Variants in CNTN4 observed in about 807,000 individuals in gnomAD.
The protein encoded by CNTN4 is contactin-4.
In CNTN4, 77 loss-of-function variants were observed where a neutral mutation model predicts 122.5. The ratio of observed to expected loss-of-function variants is 0.63; its 90% CI spans 0.52 to 0.76. The LOEUF is 0.76. Among genes scored for constraint, CNTN4 ranks in the 30% least tolerant of loss-of-function variants. CNTN4 has a pLI of 0.00. For missense variants in CNTN4, 1,256 were observed against 1,259.1 expected (o/e 1.00, Z 0.04); for synonymous variants, 512 against 447.0 (o/e 1.15, Z -1.83).
chr3:2,721,029 G>T (rs2087820078), intron 4 of CNTN4, among the ~76,000 whole-genome samples: 1 of 152,108 alleles, frequency 6.6e-6, no homozygotes, highest in African/African-American at 2.4e-5. Context: ...CTGGAGTGCA[G>T]TGGCATGATC....
intron 2 of CNTN4, among the ~76,000 whole-genome samples, chr3:2,158,567 T>A (rs994792281): frequency 2.0e-5 from 3 of 152,220 alleles, no homozygotes; most frequent in South Asian, 2.1e-4. Flanking sequence ...GAACGTAGAC[T>A]AAATGGAGTG....
chr3:2,853,211 G>A (rs1474969764), intron 7 of CNTN4, among the ~76,000 whole-genome samples: 1 of 151,878 alleles, frequency 6.6e-6, no homozygotes, highest in East Asian at 1.9e-4. Flanking sequence ...GTCCACTAGG[G>A]AGTTTTTTAT....
chr3:2,220,456 C>T (rs1194261229), intron 2 of CNTN4, among the ~76,000 whole-genome samples: 2 of 152,078 alleles, frequency 1.3e-5, no homozygotes, highest in Admixed American at 1.3e-4. Context: ...GGTATTGATT[C>T]CATTGAATTT....
At chr3:2,844,110 C>G (rs1433444756) in intron 7 of CNTN4, among the ~76,000 whole-genome samples, 2 of 152,186 alleles carry the variant, frequency 1.3e-5, no homozygotes, top group African/African-American at 4.8e-5. Flanking sequence ...AGTGTTGCTC[C>G]CATGCCTTGA....
At chr3:2,372,389 T>TG (rs2045666079) in intron 3 of CNTN4, among the ~76,000 whole-genome samples, 1 of 152,230 alleles carries the variant, frequency 6.6e-6, no homozygotes. Flanking sequence ...AATATAAATA[T>TG]GTTTCTAATT....
chr3:2,834,288 G>A (rs2093167676), intron 7 of CNTN4, among the ~76,000 whole-genome samples: 1 of 152,178 alleles, frequency 6.6e-6, no homozygotes, highest in Admixed American at 6.5e-5. Context: ...GTTGTGGCCA[G>A]GCATAGTGGC....
At chr3:2,973,064 A>AT (rs902939140) in intron 13 of CNTN4, among the ~76,000 whole-genome samples, 7 of 152,068 alleles carry the variant, frequency 4.6e-5, no homozygotes, top group Non-Finnish European at 1.0e-4. Context: ...ATTGGAACCC[A>AT]TTACCTGTGC....
At position 3,037,398 on chromosome 3, in the gene CNTN4, C is replaced by T. The variant is rs1044536559; in HGVS notation, c.2092+70C>T. ...GTTCCTTAGGAAAAGCGTTTGAATT[C>T]TTGCTGCTCTTCAGCGCTCATGCGG... On this transcript the variant is annotated intron_variant, in intron 18 of 24. Coordinates refer to ENST00000418658, the MANE Select transcript of CNTN4 (RefSeq NM_175607.3). 3 of 1,596,044 alleles carry T rather than the reference C, an allele frequency of 1.9e-6. No homozygotes were observed. In the African/African-American group the frequency reaches 4.0e-5, roughly 21 times the overall value.
At chr3:2,258,433 T>C (rs2040689098) in intron 2 of CNTN4, among the ~76,000 whole-genome samples, 1 of 152,170 alleles carries the variant, frequency 6.6e-6, no homozygotes, top group South Asian at 2.1e-4. Flanking sequence ...TTTTTTTTTC[T>C]GTCTCAATAT....
chr3:2,866,829 A>G lies in CNTN4; in HGVS notation c.532A>G (p.Asn178Asp), dbSNP rs201525733. Reference sequence around the variant, plus strand: ...CCGCTTTGTTTCTCAAGAGACTGGGAATCTGTATATTGCCAAAGTAGAAAA... The same window carrying G: ...CCGCTTTGTTTCTCAAGAGACTGGGGATCTGTATATTGCCAAAGTAGAAAA... Reference protein sequence around the residue: ...NRRFVSQETGNLYIAKVEKSD... With the variant: ...NRRFVSQETGDLYIAKVEKSD... The change falls in exon 8 of 25, where the codon AAT (asparagine) becomes GAT (aspartate). Residue 178 changes from asparagine to aspartate, a missense_variant. By Grantham distance (23) the Asn-to-Asp change is conservative. Transcript: ENST00000418658. 1.9e-4 allele frequency: 299 copies of G among 1,614,014 alleles called. No homozygotes were observed. Among genetic ancestry groups the G allele is most frequent in the Non-Finnish European group, 2.4e-4 (289 of 1,179,896 alleles).
In CNTN4 at chr3:2,709,914, A is replaced by C. The variant is rs1235570148; in HGVS notation, c.56-26301A>C. Among the ~76,000 whole-genome samples the C allele has an allele frequency of 7.7e-6, 1 of 130,010 alleles. No individual in the cohort carries two copies. Among genetic ancestry groups the C allele is most frequent in the Non-Finnish European group, 1.8e-5 (1 of 55,060 alleles). The allele number at this position is 130,010 out of a possible 152,430, so 85.3% of individuals were successfully genotyped here. A position where few individuals can be genotyped will look rare whatever the true frequency, so the allele number is the denominator to read the frequency against. On this transcript the variant is annotated intron_variant, in intron 4 of 24. Coordinates refer to ENST00000418658, the MANE Select transcript of CNTN4 (RefSeq NM_175607.3). This position sits in a 1 kb window ranked among gnomAD's most constrained non-coding sequence, Gnocchi z 5.0. ...GACCCTGTCTCAAACATATAAATACAAAAAAAAAATAAGAATAAACTCCAA... is the reference window on the plus strand; with the variant it reads ...GACCCTGTCTCAAACATATAAATACCAAAAAAAAATAAGAATAAACTCCAA...
intron 13 of CNTN4, among the ~76,000 whole-genome samples, chr3:2,932,772 G>C (rs528949180): frequency 4.0e-5 from 6 of 151,446 alleles, no homozygotes; most frequent in Non-Finnish European, 4.4e-5. Flanking sequence ...AAGGAGGGAG[G>C]GTGGACAAAG....
chr3:2,617,333 G>A (rs2081799211), intron 4 of CNTN4, among the ~76,000 whole-genome samples: 1 of 150,604 alleles, frequency 6.6e-6, no homozygotes, highest in Non-Finnish European at 1.5e-5. Context: ...CAAAGGATAT[G>A]AACAGACACT....
chr3:2,763,748 C>G (rs1293774245), intron 6 of CNTN4, among the ~76,000 whole-genome samples: 1 of 152,060 alleles, frequency 6.6e-6, no homozygotes, highest in Non-Finnish European at 1.5e-5. Flanking sequence ...AATCCTTTCC[C>G]CGTTGTTTGG....
intron 4 of CNTN4, among the ~76,000 whole-genome samples, chr3:2,593,268 G>A (rs1434636458): frequency 6.6e-6 from 1 of 152,170 alleles, no homozygotes; most frequent in African/African-American, 2.4e-5. Context: ...GTCAATGTCA[G>A]GATAGCGAAA....
chr3:2,915,685 A>C (rs577786143), intron 12 of CNTN4, among the ~76,000 whole-genome samples: 11 of 152,346 alleles, frequency 7.2e-5, no homozygotes, highest in Middle Eastern at 3.4e-3. Flanking sequence ...ATAATCTGGC[A>C]ATCCTAACAT....
chr3:3,009,494 C>T (rs572337543), intron 14 of CNTN4, among the ~76,000 whole-genome samples: 9 of 151,620 alleles, frequency 5.9e-5, no homozygotes, highest in Admixed American at 2.0e-4. Flanking sequence ...AGTGCAGTGG[C>T]GCGATCTCAG....
chr3:2,625,807 C>T (rs1401980669), intron 4 of CNTN4, among the ~76,000 whole-genome samples: 11 of 152,090 alleles, frequency 7.2e-5, no homozygotes, highest in Non-Finnish European at 7.4e-5. Flanking sequence ...TCTCCTGCTG[C>T]GCCTGATTCT....
chr3:2,225,793 A>G (rs1161734667), intron 2 of CNTN4, among the ~76,000 whole-genome samples: 1 of 152,154 alleles, frequency 6.6e-6, no homozygotes, highest in African/African-American at 2.4e-5. Flanking sequence ...CCCACTCATC[A>G]TGGACTGGCT....
Sources: allele counts gnomAD v4.1 joint callset (sites outside exome capture counted in the v4.1 genomes callset), GRCh38; gene constraint gnomAD v4.1.1; non-coding constraint Gnocchi (gnomAD v3.1); transcripts MANE v1.5; gene names NCBI Gene and HGNC (gene_info 2026-07-23, HGNC 2026-07-21).